TSGA10: variants seen among roughly 807,000 people sequenced by gnomAD.
The protein encoded by TSGA10 is testis specific 10, also known as testis-specific gene 10 protein.
TSGA10 carries 43 observed loss-of-function variants against 96.6 expected under a neutral mutation model. The ratio of observed to expected loss-of-function variants is 0.44; its 90% CI spans 0.35 to 0.57. The LOEUF (loss-of-function observed/expected upper bound fraction) is 0.57, where lower values mean the gene tolerates loss of function less well. Among genes scored for constraint, TSGA10 ranks in the 20% least tolerant of loss-of-function variants. The probability of loss-of-function intolerance (pLI) is 0.01; values close to 1 mark genes in which losing one functional copy is unlikely to be tolerated. For missense variants in TSGA10, 703 were observed against 834.4 expected, an observed-to-expected ratio of 0.84 and a Z score of 1.94; for synonymous variants, 229 against 269.9, an observed-to-expected ratio of 0.85 and a Z score of 1.48.
chr2:99,105,717 CTT>C lies in TSGA10; in HGVS notation c.211-22_211-21del, dbSNP rs1559035550. 6.3e-7 allele frequency: 1 copy of C among 1,574,962 alleles called. No homozygotes were observed. Among genetic ancestry groups the C allele is most frequent in the South Asian group, 1.1e-5 (1 of 86,976 alleles). On this transcript the variant is annotated intron_variant, in intron 7 of 20. Coordinates refer to ENST00000393483, the MANE Select transcript of TSGA10 (RefSeq NM_025244.4). ...CTGTGCCTATTATTTAAATCATAGA[CTT>C]TGGTTGAACAAGCTTTAGAACACAT...
At chr2:99,090,884 G>A (rs2089244657) in intron 10 of TSGA10, among the ~76,000 whole-genome samples, 1 of 152,170 alleles carries the variant, frequency 6.6e-6, no homozygotes, top group African/African-American at 2.4e-5. Flanking sequence ...CCCTAGCCTT[G>A]CTAGAGACCT....
chr2:99,150,537 T>C (rs1440207195), intron 1 of TSGA10: 1 of 1,605,964 alleles, frequency 6.2e-7, no homozygotes, highest in East Asian at 2.2e-5. Flanking sequence ...CAAATTACTT[T>C]CACATTTGTT....
chr2:99,151,109 A>T, intron 1 of TSGA10: 1 of 266,324 alleles, frequency 3.8e-6, no homozygotes. Flanking sequence ...AAGTAACAGT[A>T]TTTGAATGGC....
rs146752931 is a variant in TSGA10, at chr2:99,001,792, T to C, written c.2073-3571A>G. 6.6e-3 allele frequency among the ~76,000 whole-genome samples: 1,004 copies of C among 152,226 alleles called. 14 individuals carry two copies. The highest frequency in any genetic ancestry group is 0.023 in the African/African-American group (972 of 41,532). On this transcript the variant is annotated intron_variant, in intron 20 of 20. Transcript: ENST00000393483. ...TAAACAGCATAGAGAAGACCTTAAA[T>C]GACCTGACGGAGCTAAAAACCATGG...
intron 10 of TSGA10, among the ~76,000 whole-genome samples, chr2:99,083,280 C>T (rs1412873658): frequency 6.6e-6 from 1 of 152,046 alleles, no homozygotes; most frequent in Admixed American, 6.6e-5. Context: ...TTTATGCAAA[C>T]TGATAAAATG....
chr2:99,052,116 T>A (rs1025332493), intron 16 of TSGA10, among the ~76,000 whole-genome samples: 2 of 149,398 alleles, frequency 1.3e-5, no homozygotes, highest in Non-Finnish European at 3.0e-5. Flanking sequence ...GAAGAAGAAA[T>A]AAAAATATAA....
chr2:99,023,899 G>T (rs1055311858), intron 17 of TSGA10, among the ~76,000 whole-genome samples: 9 of 152,080 alleles, frequency 5.9e-5, no homozygotes, highest in Admixed American at 5.2e-4. Context: ...ATGAATTTTA[G>T]ATCAGTTTGA....
intron 16 of TSGA10, among the ~76,000 whole-genome samples, chr2:99,050,704 A>G (rs1465565067): frequency 2.0e-5 from 3 of 152,154 alleles, no homozygotes; most frequent in Non-Finnish European, 2.9e-5. Context: ...GTTTTATTAG[A>G]TAATATACAC....
chr2:99,023,033 T>C (rs2080187990), intron 17 of TSGA10, among the ~76,000 whole-genome samples: 1 of 152,176 alleles, frequency 6.6e-6, no homozygotes, highest in African/African-American at 2.4e-5. Context: ...AAGTTTTTTG[T>C]TTTTTGAGAC....
intron 10 of TSGA10, among the ~76,000 whole-genome samples, chr2:99,089,213 T>C (rs1029445061): frequency 6.6e-6 from 1 of 152,120 alleles, no homozygotes; most frequent in African/African-American, 2.4e-5. Flanking sequence ...CCAAGCGAAA[T>C]ACAGGAGTAG....
Position 99,005,988 on chromosome 2 carries a change from G to A in TSGA10, c.2073-7767C>T, listed in dbSNP as rs537153986. On this transcript the variant is annotated intron_variant, in intron 20 of 20. Coordinates refer to ENST00000393483, the MANE Select transcript of TSGA10 (RefSeq NM_025244.4). ...GAACAGAGCCCTCAGAAATAATGCC[G>A]CATATCTACAACCATCTGATCTTTG... Among the ~76,000 whole-genome samples, 387 of 151,968 alleles carry A rather than the reference G, an allele frequency of 2.5e-3. 7 individuals are homozygous for A. The East Asian group carries it at 0.061, about 24-fold the overall frequency.
At chr2:99,065,183 A>T (rs897427343) in intron 15 of TSGA10, 59 bp from the exon 16 acceptor site, 8 of 1,545,680 alleles carry the variant, frequency 5.2e-6, no homozygotes, top group Non-Finnish European at 7.0e-6. Context: ...AAAATTAAAC[A>T]TTATTATCCA....
At chr2:99,104,616 A>C (rs969732223) in intron 9 of TSGA10, among the ~76,000 whole-genome samples, 2 of 152,040 alleles carry the variant, frequency 1.3e-5, no homozygotes, top group African/African-American at 4.8e-5. Flanking sequence ...CTGGGACTAC[A>C]GGCGCATGCC....
chr2:99,026,378 G>C (rs2080561993), intron 17 of TSGA10, among the ~76,000 whole-genome samples: 1 of 151,784 alleles, frequency 6.6e-6, no homozygotes, highest in Non-Finnish European at 1.5e-5. Flanking sequence ...GAAGTTGATA[G>C]AAGAAAGGAC....
intron 1 of TSGA10, among the ~76,000 whole-genome samples, chr2:99,137,285 G>A (rs573946194): frequency 6.6e-6 from 1 of 152,312 alleles, no homozygotes; most frequent in Non-Finnish European, 1.5e-5. Context: ...GTGAGCCACT[G>A]CACCCGGCCA....
chr2:99,023,295 A>G (rs1353485059), intron 17 of TSGA10, among the ~76,000 whole-genome samples: 3 of 152,124 alleles, frequency 2.0e-5, no homozygotes, highest in African/African-American at 7.2e-5. Context: ...CCACCACTAC[A>G]TATTTTGAAT....
chr2:99,050,657 A>G (rs961601121), intron 16 of TSGA10, among the ~76,000 whole-genome samples: 2 of 152,174 alleles, frequency 1.3e-5, no homozygotes, highest in African/African-American at 4.8e-5. Context: ...ATAATTCACA[A>G]AATGCAGGGA....
intron 14 of TSGA10, among the ~76,000 whole-genome samples, chr2:99,070,452 T>C (rs1011542637): frequency 2.0e-5 from 3 of 152,128 alleles, no homozygotes; most frequent in Non-Finnish European, 4.4e-5. Context: ...AGAAAATGTG[T>C]ATAAAAATAG....
Position 99,109,519 on chromosome 2 carries a change from G to A in TSGA10, c.-73-7C>T. The A allele has an allele frequency of 6.4e-7, 1 of 1,553,640 alleles. No individual in the cohort carries two copies. The highest frequency in any genetic ancestry group is 8.7e-7 in the Non-Finnish European group (1 of 1,145,754). On this transcript the variant is annotated splice_region_variant and splice_polypyrimidine_tract_variant and intron_variant, in intron 5 of 20. Transcript: ENST00000393483. Reference sequence around the variant, plus strand: ...CTTGACAAAGGAATCAAGTCTAGAAGGAGATTTATTTTGTGCTTTTTCAGT... The same window carrying A: ...CTTGACAAAGGAATCAAGTCTAGAAAGAGATTTATTTTGTGCTTTTTCAGT...
Sources: gnomAD v4.1 joint callset for allele counts (sites outside exome capture counted in the v4.1 genomes callset) on GRCh38, gnomAD v4.1.1 for gene constraint, MANE v1.5 for transcripts, NCBI Gene and HGNC (gene_info 2026-07-23, HGNC 2026-07-21) for gene names.